Variants in AFTPH observed in about 807,000 individuals in gnomAD.
AFTPH encodes aftiphilin protein.
A neutral mutation model predicts 72.5 loss-of-function variants in AFTPH; 7 were observed. The ratio of observed to expected loss-of-function variants is 0.10; its 90% CI spans 0.05 to 0.18. The LOEUF is 0.18. Among genes scored for constraint, AFTPH ranks in the 10% least tolerant of loss-of-function variants. The pLI, the probability that AFTPH is intolerant of heterozygous loss-of-function variation, is 1.00. For missense variants in AFTPH, 979 were observed against 1,060.5 expected (o/e 0.92, Z 1.07); for synonymous variants, 337 against 370.1 (o/e 0.91, Z 1.03).
At chr2:64,533,545 A>G (rs1669740028) in intron 1 of AFTPH, among the ~76,000 whole-genome samples, 1 of 152,264 alleles carries the variant, frequency 6.6e-6, no homozygotes, top group Non-Finnish European at 1.5e-5. Context: ...CTGTAAGACA[A>G]TAAAAACATA....
intron 4 of AFTPH, 81 bp from the exon 5 acceptor site, chr2:64,569,542 C>G (rs1014672448): frequency 1.9e-4 from 283 of 1,475,854 alleles, no homozygotes; most frequent in Admixed American, 2.6e-4. Flanking sequence ...AATAACACAT[C>G]TCAAGCATAT....
intron 1 of AFTPH, among the ~76,000 whole-genome samples, chr2:64,545,998 T>G (rs1670590447): frequency 6.6e-6 from 1 of 151,986 alleles, no homozygotes; most frequent in South Asian, 2.1e-4. Context: ...GTTCAAGCAA[T>G]TCTCCTGCTT....
intron 6 of AFTPH, among the ~76,000 whole-genome samples, chr2:64,577,025 T>C (rs1390969978): frequency 3.9e-5 from 6 of 152,104 alleles, no homozygotes; most frequent in African/African-American, 1.4e-4. Flanking sequence ...TCCCAAAGTG[T>C]TGGGATTACA....
chr2:64,559,519 A>G (rs758367564), intron 2 of AFTPH, among the ~76,000 whole-genome samples: 19 of 152,114 alleles, frequency 1.2e-4, no homozygotes, highest in South Asian at 6.2e-4. Context: ...CTCAAGTCCA[A>G]CTGAAGTACC....
chr2:64,564,709 G>C (rs1216313749), intron 2 of AFTPH, among the ~76,000 whole-genome samples: 1 of 152,070 alleles, frequency 6.6e-6, no homozygotes, highest in Non-Finnish European at 1.5e-5. Context: ...TATTATACCA[G>C]TCATTTACTT....
intron 1 of AFTPH, among the ~76,000 whole-genome samples, chr2:64,545,122 A>G (rs1572961242): frequency 6.6e-6 from 1 of 152,164 alleles, no homozygotes; most frequent in African/African-American, 2.4e-5. Flanking sequence ...TTTAAAGAGT[A>G]AAAGTTTTGG....
At chr2:64,525,396 A>G (rs931593407) in intron 1 of AFTPH, 3 of 154,248 alleles carry the variant, frequency 1.9e-5, no homozygotes, top group African/African-American at 4.8e-5. Flanking sequence ...TGTGCAAGTT[A>G]TAGCTTGGTT....
chr2:64,554,957 G>T (rs1415562188), intron 2 of AFTPH, among the ~76,000 whole-genome samples: 2 of 152,168 alleles, frequency 1.3e-5, no homozygotes, highest in Admixed American at 1.3e-4. Context: ...CATACAAGTT[G>T]ATTGAAGTTA....
chr2:64,564,442 T>G (rs1218621612), intron 2 of AFTPH, among the ~76,000 whole-genome samples: 1 of 151,900 alleles, frequency 6.6e-6, no homozygotes, highest in Non-Finnish European at 1.5e-5. Context: ...GACCCTGATA[T>G]CTCCAGATTA....
chr2:64,590,582 T>C (rs1474966434), intron 8 of AFTPH, among the ~76,000 whole-genome samples: 1 of 152,206 alleles, frequency 6.6e-6, no homozygotes, highest in African/African-American at 2.4e-5. Flanking sequence ...GTCCACATAA[T>C]AGTTTTGCCA....
chr2:64,554,402 T>C (rs1298967424), intron 2 of AFTPH, among the ~76,000 whole-genome samples: 1 of 152,228 alleles, frequency 6.6e-6, no homozygotes, highest in Non-Finnish European at 1.5e-5. Flanking sequence ...TTGATATATG[T>C]AACTAACACC....
chr2:64,536,444 T>C (rs1281892214), intron 1 of AFTPH, among the ~76,000 whole-genome samples: 2 of 151,608 alleles, frequency 1.3e-5, no homozygotes, highest in Non-Finnish European at 2.9e-5. Flanking sequence ...CACAGGCCTG[T>C]AATCCCAGCT....
chr2:64,572,790 AGACCTT>A (rs1672520219), intron 5 of AFTPH, among the ~76,000 whole-genome samples, 150 bp from the exon 6 acceptor site: 1 of 126,930 alleles, frequency 7.9e-6, no homozygotes, highest in Non-Finnish European at 1.6e-5. Flanking sequence ...GCAACTAGTG[AGACCTT>A]GTCTCTTAAA....
intron 7 of AFTPH, among the ~76,000 whole-genome samples, chr2:64,584,856 A>G (rs943158355): frequency 1.3e-4 from 20 of 152,120 alleles, no homozygotes; most frequent in African/African-American, 4.6e-4. Flanking sequence ...TCGGCCTCCC[A>G]AAGTGCTGGG....
chr2:64,553,812 CTTT>C (rs34604319), intron 2 of AFTPH, among the ~76,000 whole-genome samples: 6 of 146,124 alleles, frequency 4.1e-5, no homozygotes, highest in Admixed American at 2.1e-4. Flanking sequence ...AGATTTGGAT[CTTT>C]TTTTTTTTAA....
At chr2:64,572,123 G>A (rs186845800) in intron 5 of AFTPH, among the ~76,000 whole-genome samples, 208 of 151,716 alleles carry the variant, frequency 1.4e-3, no homozygotes, top group African/African-American at 4.9e-3. Context: ...GGGAGGCTGA[G>A]GCAGGAGAAT....
intron 7 of AFTPH, among the ~76,000 whole-genome samples, chr2:64,584,358 T>A (rs535886720): frequency 5.1e-4 from 78 of 152,230 alleles, no homozygotes; most frequent in Non-Finnish European, 1.0e-3. Flanking sequence ...TAAATCAATT[T>A]TTGCAATAAA....
At chr2:64,581,368 T>C (rs1296138386) in intron 7 of AFTPH, 95 bp downstream of exon 8, 1 of 970,938 alleles carries the variant, frequency 1.0e-6, no homozygotes, top group African/African-American at 1.7e-5. Context: ...AAGTAGATTG[T>C]ATTCTCTATA....
chr2:64,582,779 A>T (rs1418360365), intron 7 of AFTPH, among the ~76,000 whole-genome samples: 1 of 152,206 alleles, frequency 6.6e-6, no homozygotes, highest in Non-Finnish European at 1.5e-5. Context: ...GGATCCCTAA[A>T]AACCTGGTTT....
Sources: allele counts gnomAD v4.1 joint callset (sites outside exome capture counted in the v4.1 genomes callset), GRCh38; gene constraint gnomAD v4.1.1; transcripts MANE v1.5; gene names NCBI Gene and HGNC (gene_info 2026-07-23, HGNC 2026-07-21).